The following ABCC9 variants were observed in gnomAD, a reference collection of about 807,000 sequenced individuals.
ABCC9 encodes the protein ATP binding cassette subfamily C member 9.
Under a neutral mutation model 188.3 loss-of-function variants are expected in ABCC9, and 95 were observed. That is an observed-to-expected ratio of 0.50 (90% CI 0.43 to 0.60). The LOEUF (loss-of-function observed/expected upper bound fraction) is 0.60, where lower values mean the gene tolerates loss of function less well. Ranked by LOEUF, ABCC9 falls within the 20% of genes least tolerant of loss-of-function variation. The pLI is 0.00. For synonymous variants in ABCC9, 659 were observed against 652.7 expected (o/e 1.01, Z -0.15); for missense variants, 1,102 against 1,876.3 (o/e 0.59, Z 7.62).
At chr12:21,897,738 C>A (rs1340050081) in intron 12 of ABCC9, among the ~76,000 whole-genome samples, 1 of 152,142 alleles carries the variant, frequency 6.6e-6, no homozygotes, top group African/African-American at 2.4e-5. Flanking sequence ...TGGAATTTTG[C>A]TCCATTGACT....
chr12:21,881,466 T>C (rs886944837), intron 16 of ABCC9, among the ~76,000 whole-genome samples: 1 of 152,144 alleles, frequency 6.6e-6, no homozygotes, highest in African/African-American at 2.4e-5. Flanking sequence ...ATAGTCTCTC[T>C]TTTCTTTCAA....
intron 5 of ABCC9, chr12:21,924,800 T>C (rs1384890576): frequency 2.0e-5 from 3 of 152,144 alleles, no homozygotes; most frequent in African/African-American, 4.8e-5. Flanking sequence ...TCTGCAATAA[T>C]GTCTGCCTCT....
At chr12:21,815,211 A>C (rs111392541) in intron 34 of ABCC9, among the ~76,000 whole-genome samples, 9 of 151,770 alleles carry the variant, frequency 5.9e-5, no homozygotes, top group African/African-American at 1.9e-4. Context: ...ATATAAAAAC[A>C]GTTCTCACCA....
At chr12:21,814,525 G>T in intron 35 of ABCC9, 119 bp downstream of exon 35, 1 of 818,502 alleles carries the variant, frequency 1.2e-6, no homozygotes, top group Non-Finnish European at 2.1e-6. Context: ...CTTGAACCAT[G>T]TGTAGAGCAC....
At chr12:21,814,075 G>T (rs963441876) in intron 35 of ABCC9, among the ~76,000 whole-genome samples, 2 of 152,024 alleles carry the variant, frequency 1.3e-5, no homozygotes, top group Admixed American at 6.6e-5. Context: ...ACGCTCTTGT[G>T]TATCATATTA....
chr12:21,935,296 TAAAC>T (rs1410601571), intron 3 of ABCC9, among the ~76,000 whole-genome samples: 16 of 152,274 alleles, frequency 1.1e-4, no homozygotes, highest in Non-Finnish European at 1.5e-5. Flanking sequence ...TAATACTACA[TAAAC>T]AAAGACTGAT....
intron 6 of ABCC9, 88 bp from the exon 7 acceptor site, chr12:21,915,998 C>A: frequency 2.9e-6 from 4 of 1,389,410 alleles, no homozygotes; most frequent in Non-Finnish European, 2.9e-6. Context: ...TCTACATTTT[C>A]ATTTCAGGTG....
intron 25 of ABCC9, among the ~76,000 whole-genome samples, chr12:21,846,837 G>A (rs1296837049): frequency 6.6e-6 from 1 of 152,002 alleles, no homozygotes; most frequent in African/African-American, 2.4e-5. Context: ...GTTGTCCATG[G>A]CTGCCCAGCT....
At chr12:21,919,118 A>T (rs1409827440) in intron 5 of ABCC9, among the ~76,000 whole-genome samples, 1 of 152,114 alleles carries the variant, frequency 6.6e-6, no homozygotes, top group African/African-American at 2.4e-5. Context: ...TCAAAACTGC[A>T]TAGCTACCTT....
intron 12 of ABCC9, among the ~76,000 whole-genome samples, chr12:21,895,602 T>C (rs1947360478): frequency 6.6e-6 from 1 of 152,186 alleles, no homozygotes; most frequent in Non-Finnish European, 1.5e-5. Flanking sequence ...CCTTTAATGA[T>C]AAAAATTATT....
rs1948574298 is a variant in ABCC9, at chr12:21,915,689, T to C, written c.795A>G (p.Lys265=). ...TCACCTTTTGTTCTTCATATGCATC[T>C]TTCAGGCAAACATAATTTGTTACTG... ...MRAVTNYVCL[K]DAYEEQKKKV... is the part of the protein sequence containing the mutation. Residue 265 remains lysine, a synonymous_variant, in exon 7 of 40, where the codon AAA becomes AAG. Coordinates refer to ENST00000261200, the MANE Select transcript of ABCC9 (RefSeq NM_020297.4). The C allele has an allele frequency of 2.7e-5, 43 of 1,612,002 alleles. No homozygotes were observed. The highest frequency in any genetic ancestry group is 3.4e-5 in the Non-Finnish European group (40 of 1,179,422).
intron 30 of ABCC9, among the ~76,000 whole-genome samples, chr12:21,836,898 A>G (rs538195338): frequency 4.8e-4 from 73 of 152,326 alleles, no homozygotes; most frequent in Middle Eastern, 3.4e-3. Context: ...AATAAAAAGG[A>G]CAACATGGCA....
chr12:21,908,171 G>A lies in ABCC9; in HGVS notation c.1361C>T (p.Ser454Leu). The change falls in exon 11 of 40, where the codon TCA (serine) becomes TTA (leucine). Residue 454 changes from serine (S) to leucine (L), a missense_variant. Physicochemically the swap from Ser to Leu is moderately radical, Grantham distance 145 (BLOSUM62 -2). Around this residue, in one of 12 missense-constraint regions of ABCC9, gnomAD observed 305 missense variants for 573.0 expected, o/e 0.53. Transcript: ENST00000261200. ...GACAGCTGCACCGACCAATGCACTT[G>A]ATCCAAGTAAATTATAGAGCAGAAT... ...GVILLYNLLG[S>L]SALVGAAVIV... 1.9e-6 allele frequency: 3 copies of A among 1,612,600 alleles called. No homozygotes were observed. Among genetic ancestry groups the A allele is most frequent in the Non-Finnish European group, 1.7e-6 (2 of 1,179,034 alleles).
intron 30 of ABCC9, among the ~76,000 whole-genome samples, chr12:21,833,776 T>C (rs1943910649): frequency 6.6e-6 from 1 of 152,200 alleles, no homozygotes; most frequent in African/African-American, 2.4e-5. Context: ...GCTGAAGTGG[T>C]CTTCACACTT....
chr12:21,875,407 T>C (rs1946290059), intron 17 of ABCC9, among the ~76,000 whole-genome samples: 2 of 152,188 alleles, frequency 1.3e-5, no homozygotes, highest in South Asian at 4.1e-4. Flanking sequence ...CTGTTTAAAT[T>C]GCCCAAATCA....
In ABCC9 at chr12:21,877,557, C is replaced by T. The variant is rs566494603; in HGVS notation, c.2020-1831G>A. The stretch of plus-strand genomic sequence containing the variant: ...CCTCAGAGGCTGAAGATTCCATTTT[C>T]TCTCCTAGGGTAGGTGAGGAGGCTA... On this transcript the variant is annotated intron_variant, in intron 16 of 39. Transcript: ENST00000261200. Among the ~76,000 whole-genome samples, 24 of 152,212 alleles carry T rather than the reference C, an allele frequency of 1.6e-4. No individual in the cohort carries two copies. In the South Asian group the frequency reaches 4.8e-3, roughly 30 times the overall value.
At chr12:21,887,453 A>G (rs992255672) in intron 15 of ABCC9, among the ~76,000 whole-genome samples, 1 of 152,182 alleles carries the variant, frequency 6.6e-6, no homozygotes, top group Non-Finnish European at 1.5e-5. Context: ...TCAAAAGATA[A>G]AATGCATCAG....
intron 14 of ABCC9, among the ~76,000 whole-genome samples, chr12:21,891,677 A>G (rs112229234): frequency 6.6e-6 from 1 of 152,228 alleles, no homozygotes. Flanking sequence ...ACATGCATGT[A>G]TAGCACAAGT....
chr12:21,911,917 A>T (rs938445061), intron 8 of ABCC9, among the ~76,000 whole-genome samples: 1 of 152,038 alleles, frequency 6.6e-6, no homozygotes, highest in Non-Finnish European at 1.5e-5. Context: ...GTATGCAAGG[A>T]TCTGGGCTAA....
Sources: allele counts gnomAD v4.1 joint callset (sites outside exome capture counted in the v4.1 genomes callset), GRCh38; gene constraint gnomAD v4.1.1; regional missense constraint gnomAD v4.1.1; transcripts MANE v1.5; gene names NCBI Gene and HGNC (gene_info 2026-07-23, HGNC 2026-07-21).